Variants in PLCH1 observed in about 807,000 individuals in gnomAD.
The protein encoded by PLCH1 is phospholipase C eta 1, also known as 1-phosphatidylinositol 4,5-bisphosphate phosphodiesterase eta-1.
In PLCH1, 60 loss-of-function variants were observed where a neutral mutation model predicts 126.7. That is an observed-to-expected ratio of 0.47 (90% CI 0.38 to 0.59). The LOEUF (loss-of-function observed/expected upper bound fraction) is 0.59. Ranked by LOEUF, PLCH1 falls within the 20% of genes least tolerant of loss-of-function variation. The pLI is 0.00. For missense variants in PLCH1, 1,723 were observed against 2,040.0 expected (o/e 0.84, Z 2.99); for synonymous variants, 719 against 734.9 (o/e 0.98, Z 0.35).
At chr3:155,544,750 A>G (rs1724947053) in intron 10 of PLCH1, among the ~76,000 whole-genome samples, 1 of 151,624 alleles carries the variant, frequency 6.6e-6, no homozygotes, top group African/African-American at 2.4e-5. Context: ...AAACCACTCA[A>G]CTACATGGAA....
At chr3:155,551,377 G>A (rs529722178) in intron 9 of PLCH1, among the ~76,000 whole-genome samples, 2 of 135,600 alleles carry the variant, frequency 1.5e-5, no homozygotes, top group East Asian at 2.2e-4. Context: ...CCCAGGAGGC[G>A]GAGGTTGCAG....
chr3:155,736,326 T>C (rs944236248), intron 1 of PLCH1, among the ~76,000 whole-genome samples: 3 of 152,232 alleles, frequency 2.0e-5, no homozygotes, highest in Non-Finnish European at 4.4e-5. Flanking sequence ...AGAAAAGTTG[T>C]GGTTTAGAGT....
chr3:155,491,105 C>A (rs1233614855), intron 18 of PLCH1, among the ~76,000 whole-genome samples: 4 of 152,144 alleles, frequency 2.6e-5, no homozygotes, highest in Admixed American at 2.0e-4. Context: ...CCCACTGAAC[C>A]TACAACTTTA....
intron 21 of PLCH1, among the ~76,000 whole-genome samples, chr3:155,470,398 T>C (rs377328826): frequency 2.6e-5 from 4 of 151,676 alleles, no homozygotes; most frequent in Admixed American, 2.0e-4. Flanking sequence ...AAGAAACGAG[T>C]AAAGCCTCCA....
chr3:155,478,771 T>C (rs1713659504), downstream of PLCH1, among the ~76,000 whole-genome samples: 1 of 152,182 alleles, frequency 6.6e-6, no homozygotes, highest in African/African-American at 2.4e-5. Context: ...CCCAGTCCAT[T>C]ATCAAATTTG....
chr3:155,552,817 C>A (rs1319004587), intron 9 of PLCH1, among the ~76,000 whole-genome samples: 1 of 152,008 alleles, frequency 6.6e-6, no homozygotes, highest in Non-Finnish European at 1.5e-5. Flanking sequence ...TGAGGATGAA[C>A]CAAAGGGGAA....
rs1203838281 is a variant in PLCH1, at chr3:155,616,596, T to G, written c.80-20218A>C. 2.0e-5 allele frequency among the ~76,000 whole-genome samples: 3 copies of G among 152,158 alleles called. No homozygotes were observed. The East Asian group carries it at 5.8e-4, about 29-fold the overall frequency. ...ATTTACATATAAAATTTTATTAAAA[T>G]TAGCTTTAGCATTACTATATTACTG... On this transcript the variant is annotated intron_variant, in intron 2 of 22. Transcript: ENST00000460012.
chr3:155,666,453 T>C lies in PLCH1; in HGVS notation c.79+37693A>G, dbSNP rs201720454. ...TCTGGTCTATGGATGATCCTAAACA[T>C]ATATTTATTATCTTTAAAGTTACAG... On this transcript the variant is annotated intron_variant, in intron 2 of 22. Transcript: ENST00000460012. Among the ~76,000 whole-genome samples the C allele has an allele frequency of 1.5e-4, 23 of 152,342 alleles. No individual in the cohort carries two copies. The East Asian group carries it at 4.4e-3, about 29-fold the overall frequency.
At chr3:155,652,396 C>T (rs1463530401) in intron 2 of PLCH1, among the ~76,000 whole-genome samples, 1 of 152,144 alleles carries the variant, frequency 6.6e-6, no homozygotes, top group Non-Finnish European at 1.5e-5. Flanking sequence ...GTCAGTAGGA[C>T]AAATCTGACT....
At chr3:155,635,874 G>T (rs1332028896) in intron 2 of PLCH1, among the ~76,000 whole-genome samples, 22 of 152,178 alleles carry the variant, frequency 1.4e-4, no homozygotes, top group Admixed American at 1.4e-3. Flanking sequence ...ACGACAAATT[G>T]CTTAAAAGAT....
At chr3:155,636,552 A>T (rs1174686923) in intron 2 of PLCH1, among the ~76,000 whole-genome samples, 1 of 152,086 alleles carries the variant, frequency 6.6e-6, no homozygotes, top group African/African-American at 2.4e-5. Flanking sequence ...GTTCAAGACC[A>T]GCTGGCTAAC....
intron 12 of PLCH1, among the ~76,000 whole-genome samples, chr3:155,512,101 A>C (rs1240021695): frequency 1.3e-5 from 2 of 149,882 alleles, no homozygotes; most frequent in Non-Finnish European, 3.0e-5. Context: ...TTCAGGTGGG[A>C]GTGACCCGAT....
chr3:155,664,901 A>G (rs944884602), intron 2 of PLCH1, among the ~76,000 whole-genome samples: 2 of 152,138 alleles, frequency 1.3e-5, no homozygotes, highest in Non-Finnish European at 2.9e-5. Flanking sequence ...CTAAGATTTG[A>G]GCTTCCACCT....
At position 155,582,048 on chromosome 3, in the gene PLCH1, CT is replaced by C. The variant is rs747425959; in HGVS notation, c.771+1423del. Among the ~76,000 whole-genome samples, 621 of 115,914 alleles carry C rather than the reference CT, an allele frequency of 5.4e-3. 5 individuals are homozygous for C. The highest frequency in any genetic ancestry group is 0.018 in the African/African-American group (559 of 31,082). 76.0% of individuals were successfully genotyped at this position (115,914 alleles called of 152,430 possible). On this transcript the variant is annotated intron_variant, in intron 6 of 22. Coordinates refer to ENST00000460012, the MANE Select transcript of PLCH1 (RefSeq NM_014996.4). ...CAGGTGTAAGCCACCGTGCCCAGCCCTTTTTTTTTTTCTTTTTCTTTTCTTT... is the reference window on the plus strand; with the variant it reads ...CAGGTGTAAGCCACCGTGCCCAGCCCTTTTTTTTTTCTTTTTCTTTTCTTT...
chr3:155,557,983 A>G (rs927066620), intron 8 of PLCH1, among the ~76,000 whole-genome samples: 2 of 152,232 alleles, frequency 1.3e-5, no homozygotes, highest in Non-Finnish European at 2.9e-5. Flanking sequence ...CTGAAAATCA[A>G]GCGAATAAAA....
In PLCH1 at chr3:155,614,025, T is replaced by C. The variant is rs138053683; in HGVS notation, c.80-17647A>G. On this transcript the variant is annotated intron_variant, in intron 2 of 22. Coordinates refer to ENST00000460012, the MANE Select transcript of PLCH1 (RefSeq NM_014996.4). ...AACAACAACCAAGCTGAGAATCAAA[T>C]CAATAACTCAACCCCTTTTACAATA... is the stretch of plus-strand genomic sequence containing the variant. 7.0e-4 allele frequency among the ~76,000 whole-genome samples: 107 copies of C among 152,214 alleles called. 2 individuals are homozygous for C. In the East Asian group the frequency reaches 0.018, roughly 26 times the overall value.
intron 2 of PLCH1, among the ~76,000 whole-genome samples, chr3:155,610,221 C>A (rs992518977): frequency 6.6e-6 from 1 of 151,872 alleles, no homozygotes; most frequent in Non-Finnish European, 1.5e-5. Context: ...ATTGGCCGGG[C>A]ATGGTTGCAC....
chr3:155,554,322 G>A (rs1576998456), intron 8 of PLCH1, 126 bp from the exon 9 acceptor site: 16 of 836,388 alleles, frequency 1.9e-5, no homozygotes, highest in East Asian at 1.3e-4. Context: ...TGACAAAGAC[G>A]TGACACAGAC....
chr3:155,596,163 A>C, intron 3 of PLCH1, 69 bp downstream of exon 3: 2 of 1,142,750 alleles, frequency 1.8e-6, no homozygotes, highest in Non-Finnish European at 2.5e-6. Flanking sequence ...TGAAGCTTCA[A>C]GAGCCCACTC....
Sources: allele counts gnomAD v4.1 joint callset (sites outside exome capture counted in the v4.1 genomes callset), GRCh38; gene constraint gnomAD v4.1.1; transcripts MANE v1.5; gene names NCBI Gene and HGNC (gene_info 2026-07-23, HGNC 2026-07-21).